The following PAAF1 variants were observed in gnomAD, a reference collection of about 807,000 sequenced individuals.
PAAF1 encodes proteasomal ATPase associated factor 1, also known as proteasomal ATPase-associated factor 1.
PAAF1 carries 46 observed loss-of-function variants against 52.8 expected under a neutral mutation model. The observed-to-expected ratio is 0.87, with a 90% CI of 0.69 to 1.11. The LOEUF (loss-of-function observed/expected upper bound fraction) is 1.11. Ranked by LOEUF, PAAF1 falls within the 50% of genes most tolerant of loss-of-function variation. PAAF1 has a pLI of 0.00. For synonymous variants in PAAF1, 178 were observed against 172.8 expected (o/e 1.03, Z -0.24); for missense variants, 424 against 477.4 (o/e 0.89, Z 1.04).
chr11:73,905,595 T>A (rs1949734060), intron 6 of PAAF1, among the ~76,000 whole-genome samples: 1 of 152,112 alleles, frequency 6.6e-6, no homozygotes, highest in Non-Finnish European at 1.5e-5. Context: ...TCCTCTTTTC[T>A]TTATTCTTGT....
intron 7 of PAAF1, among the ~76,000 whole-genome samples, chr11:73,911,446 G>A (rs1042980189): frequency 3.3e-5 from 5 of 151,926 alleles, no homozygotes; most frequent in African/African-American, 1.2e-4. Flanking sequence ...GCCTCCCAAA[G>A]TGCTAGGATT....
chr11:73,915,961 G>A (rs971089263), intron 8 of PAAF1, among the ~76,000 whole-genome samples: 3 of 152,108 alleles, frequency 2.0e-5, no homozygotes, highest in African/African-American at 7.2e-5. Context: ...AGGGAAATCA[G>A]GTTTTTTTGT....
chr11:73,903,207 T>C (rs1446038514), intron 6 of PAAF1, among the ~76,000 whole-genome samples: 1 of 152,188 alleles, frequency 6.6e-6, no homozygotes, highest in South Asian at 2.1e-4. Flanking sequence ...TGGCCTCTTA[T>C]CAGGTCACAA....
chr11:73,887,710 T>C (rs1041952693), intron 3 of PAAF1, among the ~76,000 whole-genome samples: 8 of 152,206 alleles, frequency 5.3e-5, no homozygotes, highest in African/African-American at 1.9e-4. Context: ...TAAAATTTTC[T>C]AGTGGCCACA....
chr11:73,925,904 A>G (rs1400927687), intron 11 of PAAF1, among the ~76,000 whole-genome samples: 1 of 152,186 alleles, frequency 6.6e-6, no homozygotes, highest in Non-Finnish European at 1.5e-5. Context: ...AGTAACTAGC[A>G]TTAAAAGTTT....
At chr11:73,884,799 A>G (rs1175117191) in intron 2 of PAAF1, among the ~76,000 whole-genome samples, 3 of 151,814 alleles carry the variant, frequency 2.0e-5, no homozygotes, top group Non-Finnish European at 2.9e-5. Flanking sequence ...CATGACTGCT[A>G]TTACCAAACT....
chr11:73,913,449 A>G (rs182448925), intron 7 of PAAF1, among the ~76,000 whole-genome samples: 345 of 152,312 alleles, frequency 2.3e-3, no homozygotes, highest in Middle Eastern at 0.01. Flanking sequence ...ATTTTAAAAA[A>G]TAAATAAAGT....
intron 7 of PAAF1, among the ~76,000 whole-genome samples, chr11:73,913,295 T>G (rs1017354190): frequency 1.3e-5 from 2 of 152,222 alleles, no homozygotes; most frequent in African/African-American, 4.8e-5. Context: ...CACAGAGGCT[T>G]TTTAAAGTTA....
intron 6 of PAAF1, among the ~76,000 whole-genome samples, chr11:73,906,703 C>G (rs1217575319): frequency 6.6e-6 from 1 of 152,120 alleles, no homozygotes; most frequent in African/African-American, 2.4e-5. Flanking sequence ...TCATCTTTTT[C>G]TAAACAAAGT....
intron 6 of PAAF1, among the ~76,000 whole-genome samples, chr11:73,904,690 G>C (rs1019081045): frequency 6.6e-6 from 1 of 152,052 alleles, no homozygotes; most frequent in African/African-American, 2.4e-5. Context: ...ACGCATGTAT[G>C]TATATTGCTC....
At chr11:73,881,507 T>C (rs1352958923) in intron 2 of PAAF1, among the ~76,000 whole-genome samples, 1 of 152,082 alleles carries the variant, frequency 6.6e-6, no homozygotes, top group Non-Finnish European at 1.5e-5. Context: ...AGGCTGGTCT[T>C]GAACTCCTGA....
chr11:73,887,185 A>C, intron 2 of PAAF1, 169 bp from the exon 3 acceptor site: 1 of 537,652 alleles, frequency 1.9e-6, no homozygotes, highest in Non-Finnish European at 3.3e-6. Context: ...AAGACACCTA[A>C]TCTAATTCTC....
intron 10 of PAAF1, among the ~76,000 whole-genome samples, chr11:73,920,634 C>T (rs1444871226): frequency 6.6e-6 from 1 of 151,718 alleles, no homozygotes; most frequent in Non-Finnish European, 1.5e-5. Context: ...GGGTGGATTC[C>T]TTGAGGTCAG....
intron 3 of PAAF1, among the ~76,000 whole-genome samples, chr11:73,888,463 T>C (rs1407976670): frequency 1.3e-5 from 2 of 152,224 alleles, no homozygotes; most frequent in Admixed American, 6.5e-5. Context: ...GGAGAACCCA[T>C]GATTTGCCTC....
In PAAF1 at chr11:73,877,033, T is replaced by C; in HGVS notation, c.12T>C (p.Pro4=). 1.3e-6 allele frequency: 2 copies of C among 1,534,236 alleles called. No homozygotes were observed. The highest frequency in any genetic ancestry group is 1.2e-5 in the South Asian group (1 of 81,418). The part of the protein sequence containing the change: MAA[P]LRIQSDWAQA... ...GAGGCGGGGTCGAGATGGCGGCGCC[T>C]TTGAGGATTCAGAGCGACTGGGCGC... is the stretch of plus-strand genomic sequence containing the variant. The change falls in exon 1 of 12, where the codon CCT becomes CCC. Residue 4 remains proline, a synonymous_variant. Transcript: ENST00000310571.
intron 10 of PAAF1, 36 bp from the exon 11 acceptor site, chr11:73,924,579 T>A: frequency 6.5e-7 from 1 of 1,543,776 alleles, no homozygotes; most frequent in Middle Eastern, 1.7e-4. Flanking sequence ...GATGCAGTTT[T>A]CTCTTAGTTA....
At chr11:73,902,669 G>C (rs1949654180) in intron 6 of PAAF1, among the ~76,000 whole-genome samples, 1 of 152,022 alleles carries the variant, frequency 6.6e-6, no homozygotes, top group African/African-American at 2.4e-5. Flanking sequence ...CTTTAGCTTA[G>C]AGTAAATAGT....
Position 73,927,506 on chromosome 11 carries a change from C to T in PAAF1, c.*144C>T, listed in dbSNP as rs1047614465. Reference sequence around the variant, plus strand: ...AATCACAGAAAGTCAGCTGTACTGGCCGTGTGGAACTCTCATCCCAAGACC... The same window carrying T: ...AATCACAGAAAGTCAGCTGTACTGGTCGTGTGGAACTCTCATCCCAAGACC... On this transcript the variant is annotated 3_prime_UTR_variant, in exon 12 of 12. Coordinates refer to ENST00000310571, the MANE Select transcript of PAAF1 (RefSeq NM_025155.3). The T allele has an allele frequency of 3.8e-5, 26 of 681,636 alleles. No homozygotes were observed. Among genetic ancestry groups the T allele is most frequent in the Non-Finnish European group, 6.6e-5 (26 of 391,978 alleles). The allele number at this position is 681,636 out of a possible 1,614,324, so 42.2% of individuals were successfully genotyped here.
At chr11:73,924,846 G>T in intron 11 of PAAF1, 149 bp downstream of exon 11, 1 of 628,710 alleles carries the variant, frequency 1.6e-6, no homozygotes. Flanking sequence ...AAGAAATCAA[G>T]AGCTTAACTC....
Sources: allele counts gnomAD v4.1 joint callset (sites outside exome capture counted in the v4.1 genomes callset), GRCh38; gene constraint gnomAD v4.1.1; transcripts MANE v1.5; gene names NCBI Gene and HGNC (gene_info 2026-07-23, HGNC 2026-07-21).